CSN1S1: variants seen among roughly 807,000 people sequenced by gnomAD.
CSN1S1 encodes the protein casein alpha s1.
Under a neutral mutation model 49.1 loss-of-function variants are expected in CSN1S1, and 63 were observed. That is an observed-to-expected ratio of 1.28 (90% CI 1.05 to 1.58). The LOEUF is 1.58. Ranked by LOEUF, CSN1S1 falls within the 40% of genes most tolerant of loss-of-function variation. The pLI is 0.00. For missense variants in CSN1S1, 260 were observed against 224.7 expected, an observed-to-expected ratio of 1.16 and a Z score of -1.01; for synonymous variants, 78 against 67.1, an observed-to-expected ratio of 1.16 and a Z score of -0.79.
chr4:69,942,947 T>TAAAAAA (rs5859205), intron 14 of CSN1S1, among the ~76,000 whole-genome samples: 1 of 143,462 alleles, frequency 7.0e-6, no homozygotes. Context: ...ACATGCTAAT[T>TAAAAAA]AAAAAAAAAA....
chr4:69,936,075 C>A, intron 5 of CSN1S1, 126 bp downstream of exon 5: 1 of 737,726 alleles, frequency 1.4e-6, no homozygotes. Flanking sequence ...GTGGAACAAA[C>A]TTAAAAATAT....
At chr4:69,944,808 A>G in intron 14 of CSN1S1, 42 bp from the exon 15 acceptor site, 1 of 1,586,438 alleles carries the variant, frequency 6.3e-7, no homozygotes, top group Admixed American at 1.8e-5. Flanking sequence ...GAAAAAAGCA[A>G]TTGCTCATAC....
intron 13 of CSN1S1, among the ~76,000 whole-genome samples, 199 bp from the exon 14 acceptor site, chr4:69,942,337 G>A (rs1722997262): frequency 6.6e-6 from 1 of 151,920 alleles, no homozygotes; most frequent in Admixed American, 6.6e-5. Context: ...AAACTATAGT[G>A]AGCTTAGCCT....
intron 9 of CSN1S1, 67 bp downstream of exon 9, chr4:69,937,890 A>G: frequency 9.2e-7 from 1 of 1,091,922 alleles, no homozygotes; most frequent in Non-Finnish European, 1.3e-6. Flanking sequence ...AGCATGCTTC[A>G]TTTTAAAAAG....
At chr4:69,937,724 T>G in intron 8 of CSN1S1, 76 bp from the exon 9 acceptor site, 1 of 1,167,796 alleles carries the variant, frequency 8.6e-7, no homozygotes, top group Non-Finnish European at 1.2e-6. Flanking sequence ...TGACATCCAT[T>G]TTATTTGGTA....
At chr4:69,942,629 A>G (rs1012970952) in intron 14 of CSN1S1, 52 bp downstream of exon 14, 3 of 1,424,692 alleles carry the variant, frequency 2.1e-6, no homozygotes, top group Non-Finnish European at 2.9e-6. Flanking sequence ...TTAAGCTTAA[A>G]TATGTTTGCT....
rs1722710639 is a variant in CSN1S1 at position 69,934,610 on chromosome 4, A to G, written c.85-80A>G. 8.2e-6 allele frequency: 11 copies of G among 1,345,858 alleles called. No individual in the cohort carries two copies. The East Asian group carries it at 2.6e-4, about 31-fold the overall frequency. The allele number at this position is 1,345,858 out of a possible 1,614,324, so 83.4% of individuals were successfully genotyped here. On this transcript the variant is annotated intron_variant, in intron 3 of 15. Coordinates refer to ENST00000246891, the MANE Select transcript of CSN1S1 (RefSeq NM_001890.2). ...ATCTTGAATTAGTTACCTCTACCAC[A>G]ACTTTCTATGAGCACAACTAATCCT...
rs536668224 is a variant in CSN1S1 at position 69,940,356 on chromosome 4, T to C, written c.300+312T>C. On this transcript the variant is annotated intron_variant, in intron 11 of 15. Coordinates refer to ENST00000246891, the MANE Select transcript of CSN1S1 (RefSeq NM_001890.2). ...CTAAAAATAAAGCTAGCGACTTTTT[T>C]TATCCCAGTTATCTAATTCACAGTT... Among the ~76,000 whole-genome samples, 14 of 151,924 alleles carry C rather than the reference T, an allele frequency of 9.2e-5. No individual in the cohort carries two copies. In the East Asian group the frequency reaches 1.4e-3, roughly 15 times the overall value.
chr4:69,935,984 A>G, intron 5 of CSN1S1, 35 bp downstream of exon 5: 1 of 1,491,142 alleles, frequency 6.7e-7, no homozygotes, highest in South Asian at 1.2e-5. Flanking sequence ...CCGTGCAATT[A>G]ACAAAGAGAA....
At chr4:69,940,916 C>A in intron 11 of CSN1S1, 103 bp from the exon 12 acceptor site, 1 of 603,388 alleles carries the variant, frequency 1.7e-6, no homozygotes, top group Non-Finnish European at 2.9e-6. Context: ...CATTCTCTAC[C>A]CTTGGGAAAG....
At chr4:69,945,729 G>A (rs1032323838) in intron 15 of CSN1S1, among the ~76,000 whole-genome samples, 2 of 151,810 alleles carry the variant, frequency 1.3e-5, no homozygotes, top group Non-Finnish European at 2.9e-5. Flanking sequence ...TATTTTTTAT[G>A]GTCAAATAGA....
chr4:69,935,082 G>T lies in CSN1S1; in HGVS notation c.105+372G>T, dbSNP rs190691753. Among the ~76,000 whole-genome samples the T allele has an allele frequency of 6.7e-4, 102 of 152,054 alleles. 1 individual carries two copies. In the East Asian group the frequency reaches 0.017, roughly 26 times the overall value. ...TTTGTGTTCAAATGAGAATAATGTG[G>T]TTTTTTGGTGTTTTTATTATTTTTA... On this transcript the variant is annotated intron_variant, in intron 4 of 15. Coordinates refer to ENST00000246891, the MANE Select transcript of CSN1S1 (RefSeq NM_001890.2).
At chr4:69,932,337 A>T (rs990107870) in intron 1 of CSN1S1, among the ~76,000 whole-genome samples, 7 of 151,986 alleles carry the variant, frequency 4.6e-5, no homozygotes, top group Non-Finnish European at 8.8e-5. Context: ...TAATATAAGA[A>T]CTAAGAAAAA....
At chr4:69,933,353 G>A (rs947028055) in intron 2 of CSN1S1, among the ~76,000 whole-genome samples, 3 of 151,906 alleles carry the variant, frequency 2.0e-5, no homozygotes, top group Non-Finnish European at 2.9e-5. Context: ...AGGGATATTT[G>A]GACACTGAAA....
chr4:69,934,142 G>A (rs1722694639), intron 2 of CSN1S1, 70 bp from the exon 3 acceptor site: 2 of 1,177,184 alleles, frequency 1.7e-6, no homozygotes, highest in Non-Finnish European at 2.5e-6. Context: ...CGTATTATAT[G>A]TGTATTATTA....
intron 9 of CSN1S1, among the ~76,000 whole-genome samples, chr4:69,938,720 A>G (rs528844859): frequency 1.3e-5 from 2 of 151,934 alleles, no homozygotes; most frequent in South Asian, 4.1e-4. Flanking sequence ...AATCTAATGT[A>G]ATTTTAATTT....
chr4:69,935,319 G>C (rs1722737881), intron 4 of CSN1S1, among the ~76,000 whole-genome samples: 1 of 151,416 alleles, frequency 6.6e-6, no homozygotes, highest in Admixed American at 6.6e-5. Flanking sequence ...CAGGAGGATT[G>C]CTTGAGCCCA....
intron 14 of CSN1S1, among the ~76,000 whole-genome samples, chr4:69,942,783 G>A (rs1459407140): frequency 1.3e-5 from 2 of 151,584 alleles, no homozygotes; most frequent in Non-Finnish European, 2.9e-5. Flanking sequence ...TCTCATTTGT[G>A]GAGAAAAACA....
At chr4:69,935,643 A>G (rs1283752192) in intron 4 of CSN1S1, among the ~76,000 whole-genome samples, 1 of 152,056 alleles carries the variant, frequency 6.6e-6, no homozygotes, top group Non-Finnish European at 1.5e-5. Context: ...CAAGATATGT[A>G]TATGTTAAAG....
Sources: allele counts gnomAD v4.1 joint callset (sites outside exome capture counted in the v4.1 genomes callset), GRCh38; gene constraint gnomAD v4.1.1; transcripts MANE v1.5; gene names NCBI Gene and HGNC (gene_info 2026-07-23, HGNC 2026-07-21).